Variants in TRAK1 observed in about 807,000 individuals in gnomAD.
The protein encoded by TRAK1 is trafficking kinesin protein 1.
A neutral mutation model predicts 92.1 loss-of-function variants in TRAK1; 33 were observed. That is an observed-to-expected ratio of 0.36 (90% CI 0.27 to 0.48). The LOEUF (loss-of-function observed/expected upper bound fraction) is 0.48. TRAK1 is among the 20% of genes least tolerant of loss of function. TRAK1 has a pLI of 0.99. For synonymous variants in TRAK1, 521 were observed against 517.3 expected (o/e 1.01, Z -0.10); for missense variants, 1,123 against 1,257.9 (o/e 0.89, Z 1.62).
chr3:42,195,156 T>C (rs1283584089), intron 10 of TRAK1, among the ~76,000 whole-genome samples: 1 of 152,226 alleles, frequency 6.6e-6, no homozygotes, highest in Non-Finnish European at 1.5e-5. Context: ...AAATCTGTGG[T>C]CTTTTCTACT....
chr3:42,145,210 CGT>C (rs1559829454), intron 2 of TRAK1, among the ~76,000 whole-genome samples: 1 of 152,152 alleles, frequency 6.6e-6, no homozygotes, highest in African/African-American at 2.4e-5. Context: ...GGGAGCCAAC[CGT>C]GGTGGCCCAC....
chr3:42,212,723 T>C (rs943626995), intron 14 of TRAK1: 4 of 334,368 alleles, frequency 1.2e-5, no homozygotes, highest in Non-Finnish European at 1.7e-5. Context: ...TTTCTGTCAG[T>C]ACTCTGTATT....
At chr3:42,107,383 G>A (rs369734053) in intron 1 of TRAK1, among the ~76,000 whole-genome samples, 46 of 152,134 alleles carry the variant, frequency 3.0e-4, no homozygotes, top group African/African-American at 6.7e-4. Context: ...GTGGTGGTGC[G>A]TGCCTGTAGT....
chr3:42,020,222 A>G (rs1701674850), intron 1 of TRAK1, among the ~76,000 whole-genome samples: 1 of 152,236 alleles, frequency 6.6e-6, no homozygotes, highest in East Asian at 1.9e-4. Context: ...TCTAAGGTTG[A>G]CAAGTTAACT....
At chr3:42,208,531 G>A (rs1708600197) in intron 13 of TRAK1, among the ~76,000 whole-genome samples, 1 of 152,178 alleles carries the variant, frequency 6.6e-6, no homozygotes, top group Non-Finnish European at 1.5e-5. Context: ...GCCGACTCCT[G>A]GCATCTTTGA....
At chr3:42,145,697 A>G (rs1699241615) in intron 2 of TRAK1, 1 of 156,132 alleles carries the variant, frequency 6.4e-6, no homozygotes, top group South Asian at 1.9e-4. Flanking sequence ...CAATTTGCCA[A>G]CTTTCATGTT....
At chr3:42,115,538 C>T (rs1409439083) in intron 1 of TRAK1, among the ~76,000 whole-genome samples, 8 of 152,152 alleles carry the variant, frequency 5.3e-5, no homozygotes, top group Non-Finnish European at 1.0e-4. Flanking sequence ...TAACTCGGTA[C>T]GTGACACCAG....
rs147751737 is a variant in TRAK1, at chr3:42,109,501, C to G, written c.92-15919C>G. Among the ~76,000 whole-genome samples, 594 of 152,304 alleles carry G rather than the reference C, an allele frequency of 3.9e-3. 2 individuals are homozygous for G. The highest frequency in any genetic ancestry group is 0.013 in the African/African-American group (552 of 41,564). On this transcript the variant is annotated intron_variant, in intron 1 of 15. Transcript: ENST00000327628. ...AAATATTGCTGGATATTTTACTAAT[C>G]TTGAGATGGGAAAGTCCATCCTAAA... is the stretch of plus-strand genomic sequence containing the variant.
At position 42,200,908 on chromosome 3, in the gene TRAK1, C is replaced by T. The variant is rs763581674; in HGVS notation, c.1281C>T (p.Gly427=). ...CCCCTTCTCCCATGAACATCCCCGG[C>T]TCCAACCAGTCCTCGGCCATGAACT... ...SLTPSPMNIP[G]SNQSSAMNSL... is the part of the protein sequence containing the mutation. The change falls in exon 12 of 16, where the codon GGC becomes GGT. Residue 427 remains glycine, a synonymous_variant. Transcript: ENST00000327628. 2 of 1,614,212 alleles carry T rather than the reference C, an allele frequency of 1.2e-6. No individual in the cohort carries two copies. The highest frequency in any genetic ancestry group is 8.5e-7 in the Non-Finnish European group (1 of 1,180,042).
At chr3:42,093,694 CCCCTCCCCTCCCCTT>C (rs1576308906) in intron 1 of TRAK1, among the ~76,000 whole-genome samples, 1 of 31,948 alleles carries the variant, frequency 3.1e-5, no homozygotes, top group African/African-American at 1.0e-4. Context: ...CCCCTCCCCT[CCCCTCCCCTCCCCTT>C]CCTTTTTTTT....
intron 2 of TRAK1, among the ~76,000 whole-genome samples, chr3:42,176,533 C>G (rs1210721149): frequency 6.6e-6 from 1 of 152,210 alleles, no homozygotes; most frequent in African/African-American, 2.4e-5. Flanking sequence ...CCCCCTTCCA[C>G]TCCATTGCTT....
chr3:42,219,374 C>A, intron 14 of TRAK1, 120 bp from the exon 15 acceptor site: 1 of 1,583,298 alleles, frequency 6.3e-7, no homozygotes, highest in Non-Finnish European at 8.6e-7. Context: ...CTTCCTCGCC[C>A]AGATCCAGTT....
At chr3:42,144,309 C>A (rs756277538) in intron 2 of TRAK1, among the ~76,000 whole-genome samples, 4 of 151,838 alleles carry the variant, frequency 2.6e-5, no homozygotes, top group Non-Finnish European at 4.4e-5. Context: ...ATGATCACAA[C>A]TAACATTTAT....
chr3:42,112,044 C>T (rs1708481505), intron 1 of TRAK1, among the ~76,000 whole-genome samples: 1 of 151,166 alleles, frequency 6.6e-6, no homozygotes, highest in African/African-American at 2.4e-5. Flanking sequence ...AAAGTAGCCC[C>T]TACTCCAGAG....
At chr3:42,151,133 A>T (rs1465554715) in intron 2 of TRAK1, among the ~76,000 whole-genome samples, 1 of 152,190 alleles carries the variant, frequency 6.6e-6, no homozygotes, top group Non-Finnish European at 1.5e-5. Flanking sequence ...GGCCCCGTGG[A>T]TTAGTCAGGT....
At chr3:42,081,430 C>A (rs1704433429) in intron 1 of TRAK1, among the ~76,000 whole-genome samples, 1 of 152,172 alleles carries the variant, frequency 6.6e-6, no homozygotes, top group Non-Finnish European at 1.5e-5. Flanking sequence ...TCATTTGCAC[C>A]AAACCCCTTC....
intron 2 of TRAK1, among the ~76,000 whole-genome samples, chr3:42,136,629 A>G (rs1697984116): frequency 1.1e-5 from 1 of 91,552 alleles, no homozygotes; most frequent in South Asian, 5.4e-4. Context: ...TTTCAATACA[A>G]AAGAAAAATA....
chr3:42,074,903 C>T (rs1457303161), intron 1 of TRAK1, among the ~76,000 whole-genome samples: 2 of 152,090 alleles, frequency 1.3e-5, no homozygotes, highest in Non-Finnish European at 1.5e-5. Context: ...CCCTTCTTTG[C>T]GTCCATGTGT....
At chr3:42,210,628 G>T in intron 14 of TRAK1, 3 of 1,011,170 alleles carry the variant, frequency 3.0e-6, no homozygotes, top group East Asian at 9.6e-5. Flanking sequence ...ACCAGGAAAG[G>T]CTCAGGATTT....
Sources: allele counts gnomAD v4.1 joint callset (sites outside exome capture counted in the v4.1 genomes callset), GRCh38; gene constraint gnomAD v4.1.1; transcripts MANE v1.5; gene names NCBI Gene and HGNC (gene_info 2026-07-23, HGNC 2026-07-21).